Variants in DCUN1D2 observed in about 807,000 individuals in gnomAD.
The protein encoded by DCUN1D2 is DCN1-like protein 2.
A neutral mutation model predicts 30.9 loss-of-function variants in DCUN1D2; 29 were observed. The ratio of observed to expected loss-of-function variants is 0.94; its 90% CI spans 0.70 to 1.28. DCUN1D2 has a LOEUF of 1.28. DCUN1D2 is among the 50% of genes most tolerant of loss of function. The pLI, the probability that DCUN1D2 is intolerant of heterozygous loss-of-function variation, is 0.00. For synonymous variants in DCUN1D2, 121 were observed against 115.3 expected (o/e 1.05, Z -0.32); for missense variants, 325 against 316.9 (o/e 1.03, Z -0.19).
Position 113,482,293 on chromosome 13 carries a change from A to T in DCUN1D2, c.220+1547T>A, listed in dbSNP as rs1181521343. Among the ~76,000 whole-genome samples the T allele has an allele frequency of 2.0e-5, 3 of 152,360 alleles. No individual in the cohort carries two copies. In the East Asian group the frequency reaches 5.8e-4, roughly 29 times the overall value. Reference sequence around the variant, plus strand: ...AATAAAGTTAAATAATAATGAAGGGATGAAGCTTCAATAACACCCAAAGAC... The same window carrying T: ...AATAAAGTTAAATAATAATGAAGGGTTGAAGCTTCAATAACACCCAAAGAC... On this transcript the variant is annotated intron_variant, in intron 2 of 6. Transcript: ENST00000478244.
intron 3 of DCUN1D2, among the ~76,000 whole-genome samples, chr13:113,477,202 A>AATTGAG (rs2044632394): frequency 6.6e-6 from 1 of 152,214 alleles, no homozygotes; most frequent in Non-Finnish European, 1.5e-5. Flanking sequence ...GGGATTTTTA[A>AATTGAG]ATTGAGATCA....
intron 1 of DCUN1D2, 64 bp from the exon 2 acceptor site, chr13:113,484,120 C>T: frequency 3.1e-6 from 5 of 1,598,976 alleles, no homozygotes; most frequent in South Asian, 1.1e-5. Flanking sequence ...CAGCTTTAGC[C>T]TAACGCCTGC....
intron 4 of DCUN1D2, among the ~76,000 whole-genome samples, chr13:113,466,568 G>A (rs1010983785): frequency 1.6e-4 from 25 of 152,112 alleles, no homozygotes; most frequent in African/African-American, 5.8e-4. Flanking sequence ...TTACTGCCCC[G>A]AGTGTGGAAA....
chr13:113,458,714 C>A (rs181155716), intron 6 of DCUN1D2, among the ~76,000 whole-genome samples: 1 of 152,300 alleles, frequency 6.6e-6, no homozygotes, highest in East Asian at 1.9e-4. Context: ...CAGACAGACA[C>A]GTAAACCACC....
At chr13:113,458,169 G>C in intron 6 of DCUN1D2, 61 bp from the exon 7 acceptor site, 4 of 1,335,706 alleles carry the variant, frequency 3.0e-6, no homozygotes, top group Non-Finnish European at 4.3e-6. Flanking sequence ...CCAAAGCACT[G>C]AGTCACACAT....
In DCUN1D2 at chr13:113,463,459, C is replaced by A. The variant is rs78165133; in HGVS notation, c.521-2323G>T. On this transcript the variant is annotated intron_variant, in intron 4 of 6. Transcript: ENST00000478244. ...GTAATCATAGCACTTTAGGAGGCCG[C>A]GGCAGGAGGATCACTTGAAGTCAAG... Among the ~76,000 whole-genome samples the A allele has an allele frequency of 5.0e-3, 764 of 151,574 alleles. 38 individuals are homozygous for A. In the East Asian group the frequency reaches 0.12, roughly 23 times the overall value.
rs2044845751 is a variant in DCUN1D2, at chr13:113,488,442, A to C, written c.3+2225T>G. Among the ~76,000 whole-genome samples, 1 of 152,260 alleles carries C rather than the reference A, an allele frequency of 6.6e-6. No homozygotes were observed. The highest frequency in any genetic ancestry group is 2.4e-5 in the African/African-American group (1 of 41,478). On this transcript the variant is annotated intron_variant, in intron 1 of 6. Coordinates refer to ENST00000478244, the MANE Select transcript of DCUN1D2 (RefSeq NM_001014283.2). This position sits in a 1 kb window ranked among gnomAD's most constrained non-coding sequence, Gnocchi z 4.3. ...TGATCGATAGCTAAGTCTAAAGACT[A>C]GGTGCTTCATGTCCAAAAGTGACTG...
intron 4 of DCUN1D2, among the ~76,000 whole-genome samples, chr13:113,468,664 G>C (rs1257604786): frequency 1.3e-5 from 2 of 152,058 alleles, no homozygotes; most frequent in Non-Finnish European, 2.9e-5. Context: ...AGGGGGCGGG[G>C]GAGGGCCCTG....
intron 2 of DCUN1D2, among the ~76,000 whole-genome samples, chr13:113,481,172 T>C (rs141821565): frequency 3.9e-5 from 6 of 152,348 alleles, no homozygotes; most frequent in East Asian, 1.9e-4. Context: ...AAATGAATGA[T>C]TGATGTTTTT....
rs1209606953 is a variant in DCUN1D2 at position 113,490,141 on chromosome 13, C to T, written c.3+526G>A. Among the ~76,000 whole-genome samples the T allele has an allele frequency of 6.6e-6, 1 of 152,242 alleles. No individual in the cohort carries two copies. Among genetic ancestry groups the T allele is most frequent in the African/African-American group, 2.4e-5 (1 of 41,476 alleles). On this transcript the variant is annotated intron_variant, in intron 1 of 6. Coordinates refer to ENST00000478244, the MANE Select transcript of DCUN1D2 (RefSeq NM_001014283.2). This position sits in a 1 kb window ranked among gnomAD's most constrained non-coding sequence, Gnocchi z 5.2. ...CTCCACAGATGCACACCTACAGCCA[C>T]GCTACAGCTCCCGGCTAGAGCCCGC... is the stretch of plus-strand genomic sequence containing the variant.
intron 4 of DCUN1D2, among the ~76,000 whole-genome samples, chr13:113,466,300 G>T (rs1271360422): frequency 6.6e-6 from 1 of 152,150 alleles, no homozygotes; most frequent in African/African-American, 2.4e-5. Flanking sequence ...TAGCCTCTTA[G>T]AAAGAAATAG....
rs2044835851 is a variant in DCUN1D2, at chr13:113,487,856, TTTCACCTAAAAAAA to T, written c.3+2797_3+2810del. On this transcript the variant is annotated intron_variant, in intron 1 of 6. Transcript: ENST00000478244. ...AATAGTTAATTTTATGTTATATGAA[TTTCACCTAAAAAAA>T]TTCAACATTGTACCCTCAGACCCTC... Among the ~76,000 whole-genome samples the T allele has an allele frequency of 2.0e-5, 3 of 152,278 alleles. No homozygotes were observed. In the South Asian group the frequency reaches 6.2e-4, roughly 32 times the overall value.
At chr13:113,480,890 C>T in intron 2 of DCUN1D2, 147 bp from the exon 3 acceptor site, 1 of 656,246 alleles carries the variant, frequency 1.5e-6, no homozygotes, top group Non-Finnish European at 2.4e-6. Context: ...CAGTTTTCTA[C>T]TACACATGAA....
chr13:113,462,637 C>T, intron 4 of DCUN1D2: 1 of 598,028 alleles, frequency 1.7e-6, no homozygotes, highest in Non-Finnish European at 2.1e-6. Context: ...GGCTTCATGA[C>T]CAACTTTATC....
intron 2 of DCUN1D2, among the ~76,000 whole-genome samples, chr13:113,482,173 A>C (rs1173050582): frequency 6.6e-6 from 1 of 152,214 alleles, no homozygotes; most frequent in African/African-American, 2.4e-5. Flanking sequence ...TGTCATAACC[A>C]ATGTTATATT....
At chr13:113,490,831 C>G (rs2044967484), upstream of DCUN1D2, 2 of 526,186 alleles carry the variant, frequency 3.8e-6, no homozygotes, top group Non-Finnish European at 2.6e-6. This position sits in a 1 kb window ranked among gnomAD's most constrained non-coding sequence, Gnocchi z 5.2. Flanking sequence ...CGCCCGGGGG[C>G]CCACGGGAGC....
chr13:113,465,452 T>C (rs2044385420), intron 4 of DCUN1D2, among the ~76,000 whole-genome samples: 1 of 151,614 alleles, frequency 6.6e-6, no homozygotes, highest in Non-Finnish European at 1.5e-5. Context: ...ATTTCCTGTT[T>C]GGGTGACTAC....
At chr13:113,471,026 C>A (rs113831476) in intron 4 of DCUN1D2, among the ~76,000 whole-genome samples, 17,830 of 136,252 alleles carry the variant, frequency 0.13, 1,072 homozygotes, top group African/African-American at 0.22. Flanking sequence ...CACAGAGGAC[C>A]CAACTCCACA....
At position 113,457,890 on chromosome 13, in the gene DCUN1D2, C is replaced by T. The variant is rs2044251351; in HGVS notation, c.*139G>A. ...AAAGCAGCCGCTGGCTGTCCTCCGG[C>T]AGAATGGGATGGCGCCTCTGGTTTC... On this transcript the variant is annotated 3_prime_UTR_variant, in exon 7 of 7. Transcript: ENST00000478244. 4 of 805,566 alleles carry T rather than the reference C, an allele frequency of 5.0e-6. No homozygotes were observed. The highest frequency in any genetic ancestry group is 8.2e-6 in the Non-Finnish European group (4 of 485,868). 49.9% of individuals were successfully genotyped at this position (805,566 alleles called of 1,614,324 possible).
Sources: allele counts gnomAD v4.1 joint callset (sites outside exome capture counted in the v4.1 genomes callset), GRCh38; gene constraint gnomAD v4.1.1; non-coding constraint Gnocchi (gnomAD v3.1); transcripts MANE v1.5; gene names NCBI Gene and HGNC (gene_info 2026-07-23, HGNC 2026-07-21).